The following SPECC1 variants were observed in gnomAD, a reference collection of about 807,000 sequenced individuals.
The protein encoded by SPECC1 is cytospin-B.
Under a neutral mutation model 104.1 loss-of-function variants are expected in SPECC1, and 62 were observed. The ratio of observed to expected loss-of-function variants is 0.60; its 90% CI spans 0.49 to 0.74. The LOEUF (loss-of-function observed/expected upper bound fraction) is 0.74, where lower values mean the gene tolerates loss of function less well. Among genes scored for constraint, SPECC1 ranks in the 30% least tolerant of loss-of-function variants. SPECC1 has a pLI of 0.00. For missense variants in SPECC1, 1,306 were observed against 1,310.5 expected (o/e 1.00, Z 0.05); for synonymous variants, 513 against 501.6 (o/e 1.02, Z -0.30).
At chr17:20,024,942 A>G (rs952033549) in intron 1 of SPECC1, among the ~76,000 whole-genome samples, 1 of 151,978 alleles carries the variant, frequency 6.6e-6, no homozygotes, top group African/African-American at 2.4e-5. Context: ...CTTGAATTCT[A>G]TTTTTCTTAT....
At chr17:20,199,383 GTTTTTTTTTTTTTT>G (rs3077216) in intron 3 of SPECC1, among the ~76,000 whole-genome samples, 4 of 62,432 alleles carry the variant, frequency 6.4e-5, no homozygotes, top group Non-Finnish European at 7.9e-5. Flanking sequence ...CACCGTGCTG[GTTTTTTTTTTTTTT>G]TTTTTTTTTT....
At chr17:20,192,435 TGATA>T (rs2035737337) in intron 3 of SPECC1, among the ~76,000 whole-genome samples, 1 of 152,224 alleles carries the variant, frequency 6.6e-6, no homozygotes, top group African/African-American at 2.4e-5. Flanking sequence ...ATTCCTCTTA[TGATA>T]GATGAGGATT....
chr17:20,265,799 T>G (rs2040197157), intron 12 of SPECC1, among the ~76,000 whole-genome samples: 1 of 152,238 alleles, frequency 6.6e-6, no homozygotes, highest in African/African-American at 2.4e-5. Context: ...CTAGTTTCTA[T>G]CTTCTGCGTA....
At chr17:20,141,983 G>A (rs538287926) in intron 3 of SPECC1, among the ~76,000 whole-genome samples, 178 of 152,300 alleles carry the variant, frequency 1.2e-3, no homozygotes, top group Middle Eastern at 3.4e-3. Context: ...TAAGAAAACT[G>A]AGCTTTTTCC....
intron 8 of SPECC1, among the ~76,000 whole-genome samples, chr17:20,247,004 C>T (rs1409021806): frequency 6.6e-6 from 1 of 152,202 alleles, no homozygotes; most frequent in Non-Finnish European, 1.5e-5. Flanking sequence ...GCTCAGCTAT[C>T]CTTCATCTAA....
At position 20,204,936 on chromosome 17, in the gene SPECC1, A is replaced by G; in HGVS notation, c.887A>G (p.Asp296Gly). 1 of 1,614,176 alleles carries G rather than the reference A, an allele frequency of 6.2e-7. No individual in the cohort carries two copies. The highest frequency in any genetic ancestry group is 8.5e-7 in the Non-Finnish European group (1 of 1,180,028). ...CCAACTGGAAATCAGATGTCCAGTG[A>G]CATTGATGAGTATAAAAAAAACATA... Reference protein sequence around the residue: ...GSPTGNQMSSDIDEYKKNIHG... With the variant: ...GSPTGNQMSSGIDEYKKNIHG... Residue 296 changes from aspartate to glycine, a missense_variant, in exon 4 of 15, where the codon GAC becomes GGC. Transcript: ENST00000395527.
chr17:20,278,699 GTC>G (rs3072444), intron 12 of SPECC1, among the ~76,000 whole-genome samples: 60,958 of 147,132 alleles, frequency 0.41, 13,067 homozygotes, highest in East Asian at 0.8. Context: ...GTGAGACCCT[GTC>G]TCTCTCTCTC....
At chr17:20,241,753 T>C (rs945565707) in intron 7 of SPECC1, among the ~76,000 whole-genome samples, 1 of 152,242 alleles carries the variant, frequency 6.6e-6, no homozygotes, top group Non-Finnish European at 1.5e-5. Flanking sequence ...GAAGATATTG[T>C]TTGACACCTA....
At chr17:20,018,134 TTCTA>T (rs1312877716) in intron 1 of SPECC1, 3 of 152,260 alleles carry the variant, frequency 2.0e-5, no homozygotes, top group African/African-American at 7.2e-5. Flanking sequence ...ACCTCTGCTG[TTCTA>T]TCTGCTGTTA....
intron 3 of SPECC1, among the ~76,000 whole-genome samples, chr17:20,136,651 A>G (rs1242212028): frequency 6.6e-6 from 1 of 152,208 alleles, no homozygotes; most frequent in Non-Finnish European, 1.5e-5. Context: ...TGTGTCTGGA[A>G]GCAAAAGGAT....
At chr17:20,173,543 C>T (rs1358044339) in intron 3 of SPECC1, among the ~76,000 whole-genome samples, 2 of 152,152 alleles carry the variant, frequency 1.3e-5, no homozygotes, top group African/African-American at 4.8e-5. Context: ...AGGTCGCCTC[C>T]CAGCAGTCTA....
In SPECC1 at chr17:20,304,117, C is replaced by CAAAAAAAAAAA. The variant is rs774130653; in HGVS notation, c.3058-1890_3058-1880dup. On this transcript the variant is annotated intron_variant, in intron 13 of 14. Transcript: ENST00000395527. Reference sequence around the variant, plus strand: ...CGAAACCCCTTCTCTACTAAAAATACAAAAAAAAAAAAAAAAAAAAAAAAA... The same window carrying CAAAAAAAAAAA: ...CGAAACCCCTTCTCTACTAAAAATACAAAAAAAAAAAAAAAAAAAAAAAAAAAAAAAAAAAA... 7.6e-5 allele frequency among the ~76,000 whole-genome samples: 3 copies of CAAAAAAAAAAA among 39,336 alleles called. 1 individual carries two copies. Among genetic ancestry groups the CAAAAAAAAAAA allele is most frequent in the Non-Finnish European group, 1.4e-4 (3 of 20,860 alleles). 25.8% of individuals were successfully genotyped at this position (39,336 alleles called of 152,430 possible).
At chr17:20,294,355 GC>G (rs2041270766) in intron 12 of SPECC1, among the ~76,000 whole-genome samples, 3 of 152,220 alleles carry the variant, frequency 2.0e-5, no homozygotes, top group Admixed American at 2.0e-4. Flanking sequence ...CGATGGAGGA[GC>G]TTCTTTCTCC....
chr17:20,066,503 C>A (rs113910388), intron 1 of SPECC1, among the ~76,000 whole-genome samples: 1 of 152,276 alleles, frequency 6.6e-6, no homozygotes, highest in East Asian at 1.9e-4. Flanking sequence ...CTTGGCTACC[C>A]TGATACTTCC....
intron 14 of SPECC1, among the ~76,000 whole-genome samples, chr17:20,307,638 A>C (rs1220742950): frequency 6.6e-6 from 1 of 152,210 alleles, no homozygotes; most frequent in East Asian, 1.9e-4. Flanking sequence ...CTTGGGAATG[A>C]CTGTTGGGCT....
At chr17:20,255,679 C>T (rs2039799161) in intron 10 of SPECC1, among the ~76,000 whole-genome samples, 1 of 152,128 alleles carries the variant, frequency 6.6e-6, no homozygotes, top group African/African-American at 2.4e-5. Flanking sequence ...GATCCTCCTG[C>T]TTCAGCCTTC....
chr17:20,061,048 T>C (rs183296216), intron 1 of SPECC1, among the ~76,000 whole-genome samples: 1 of 152,210 alleles, frequency 6.6e-6, no homozygotes, highest in Non-Finnish European at 1.5e-5. Context: ...TTGTGAAATA[T>C]ATGTGAACAA....
At chr17:20,046,027 C>A (rs1392713976) in intron 1 of SPECC1, among the ~76,000 whole-genome samples, 1 of 149,982 alleles carries the variant, frequency 6.7e-6, no homozygotes, top group South Asian at 2.1e-4. Context: ...AAAAAAAAAA[C>A]CATTAGCATA....
At chr17:20,159,521 G>A (rs932037134) in intron 3 of SPECC1, among the ~76,000 whole-genome samples, 1 of 152,222 alleles carries the variant, frequency 6.6e-6, no homozygotes, top group African/African-American at 2.4e-5. Flanking sequence ...ATCTTTTCCA[G>A]ATGGAAGCTC....
Sources: gnomAD v4.1 joint callset for allele counts (sites outside exome capture counted in the v4.1 genomes callset) on GRCh38, gnomAD v4.1.1 for gene constraint, MANE v1.5 for transcripts, NCBI Gene and HGNC (gene_info 2026-07-23, HGNC 2026-07-21) for gene names.